Variants in AGBL4 observed in about 807,000 individuals in gnomAD.
AGBL4 encodes cytosolic carboxypeptidase 6.
In AGBL4, 58 loss-of-function variants were observed where a neutral mutation model predicts 66.4. The observed-to-expected ratio is 0.87, with a 90% CI of 0.71 to 1.09. AGBL4 has a LOEUF of 1.09. Among genes scored for constraint, AGBL4 ranks in the 50% least tolerant of loss-of-function variants. The pLI is 0.00. For synonymous variants in AGBL4, 234 were observed against 222.9 expected (o/e 1.05, Z -0.44); for missense variants, 579 against 631.0 (o/e 0.92, Z 0.88).
intron 1 of AGBL4, among the ~76,000 whole-genome samples, chr1:49,871,066 A>C (rs1334264363): frequency 1.3e-5 from 2 of 152,074 alleles, no homozygotes; most frequent in East Asian, 3.9e-4. Context: ...GGCATGTGAA[A>C]TTGCGAGGGC....
intron 3 of AGBL4, among the ~76,000 whole-genome samples, chr1:49,337,447 T>G (rs544817172): frequency 5.5e-4 from 84 of 152,300 alleles, no homozygotes; most frequent in Non-Finnish European, 1.1e-3. Flanking sequence ...ACCATACAAT[T>G]CCTGCTTGGC....
chr1:49,798,765 G>C (rs1644790280), intron 2 of AGBL4, among the ~76,000 whole-genome samples: 1 of 152,014 alleles, frequency 6.6e-6, no homozygotes, highest in South Asian at 2.1e-4. Context: ...AAAAGTCTTT[G>C]CATTAAATGT....
At chr1:49,271,662 T>C (rs1644062092) in intron 3 of AGBL4, among the ~76,000 whole-genome samples, 1 of 152,124 alleles carries the variant, frequency 6.6e-6, no homozygotes, top group African/African-American at 2.4e-5. Context: ...GGTCTGTCTG[T>C]TCACTTTCTT....
At chr1:49,055,970 T>C (rs887305147) in intron 4 of AGBL4, among the ~76,000 whole-genome samples, 3 of 152,158 alleles carry the variant, frequency 2.0e-5, no homozygotes, top group African/African-American at 7.2e-5. Flanking sequence ...GCCAACCTGA[T>C]CGCTCCTCTT....
At chr1:49,777,728 T>C (rs1314687436) in intron 2 of AGBL4, among the ~76,000 whole-genome samples, 2 of 152,180 alleles carry the variant, frequency 1.3e-5, no homozygotes, top group Admixed American at 1.3e-4. Context: ...AAAGCTTTGA[T>C]AAAAATCCTT....
chr1:49,129,158 C>T, intron 4 of AGBL4, among the ~76,000 whole-genome samples: 1 of 152,004 alleles, frequency 6.6e-6, no homozygotes, highest in Non-Finnish European at 1.5e-5. Flanking sequence ...TTGAATACTA[C>T]TACATACCCA....
chr1:49,692,668 A>C (rs1004194517), intron 3 of AGBL4, among the ~76,000 whole-genome samples: 1 of 151,902 alleles, frequency 6.6e-6, no homozygotes, highest in Admixed American at 6.6e-5. Context: ...CAGTGAGCCA[A>C]GATCGCGCCA....
At chr1:49,162,858 A>T (rs1022737860) in intron 4 of AGBL4, among the ~76,000 whole-genome samples, 1 of 152,212 alleles carries the variant, frequency 6.6e-6, no homozygotes, top group Non-Finnish European at 1.5e-5. Flanking sequence ...CACAGCAATT[A>T]ACACATAATA....
At chr1:50,015,277 A>C (rs1279971586) in intron 1 of AGBL4, among the ~76,000 whole-genome samples, 3 of 152,164 alleles carry the variant, frequency 2.0e-5, no homozygotes, top group Non-Finnish European at 4.4e-5. Context: ...TTCTGTGTAC[A>C]ACTCTATGTT....
At chr1:48,931,923 C>G (rs1655071011) in intron 5 of AGBL4, among the ~76,000 whole-genome samples, 1 of 152,126 alleles carries the variant, frequency 6.6e-6, no homozygotes, top group African/African-American at 2.4e-5. Flanking sequence ...TCCTGGCTCC[C>G]ATTCTGGTGC....
intron 3 of AGBL4, among the ~76,000 whole-genome samples, chr1:49,621,141 C>T (rs960295037): frequency 1.3e-5 from 2 of 152,130 alleles, no homozygotes; most frequent in African/African-American, 4.8e-5. Context: ...ATGCTTGTTC[C>T]TTTGTGCCGT....
intron 6 of AGBL4, among the ~76,000 whole-genome samples, chr1:48,785,862 T>C (rs2148723563): frequency 6.6e-6 from 1 of 152,320 alleles, no homozygotes; most frequent in Non-Finnish European, 1.5e-5. Context: ...AGTCTTCTGA[T>C]GATTCCAACA....
intron 2 of AGBL4, among the ~76,000 whole-genome samples, chr1:49,725,268 C>T (rs1039639516): frequency 1.3e-5 from 2 of 152,132 alleles, no homozygotes; most frequent in African/African-American, 4.8e-5. Flanking sequence ...TGGTGGAGCA[C>T]TGTAAGCTTA....
At chr1:48,713,629 C>T (rs558582968) in intron 6 of AGBL4, among the ~76,000 whole-genome samples, 4 of 152,222 alleles carry the variant, frequency 2.6e-5, no homozygotes, top group Middle Eastern at 3.4e-3. Context: ...GTCTGCAGAG[C>T]CTGGATCATG....
At chr1:49,722,162 A>G (rs1290691444) in intron 2 of AGBL4, among the ~76,000 whole-genome samples, 2 of 152,208 alleles carry the variant, frequency 1.3e-5, no homozygotes, top group African/African-American at 4.8e-5. Context: ...AAGCACTTCT[A>G]GTAAATAGCC....
chr1:48,622,820 T>G (rs898992035), intron 9 of AGBL4, among the ~76,000 whole-genome samples: 4 of 152,182 alleles, frequency 2.6e-5, no homozygotes, highest in African/African-American at 9.7e-5. Flanking sequence ...AGTTAAATTT[T>G]TTTGAGAATT....
At chr1:48,648,188 C>A (rs1190500408) in intron 8 of AGBL4, among the ~76,000 whole-genome samples, 1 of 152,108 alleles carries the variant, frequency 6.6e-6, no homozygotes. Flanking sequence ...AAAATTGAAG[C>A]CCTATGCCCA....
At chr1:49,185,904 G>T (rs1270506415) in intron 4 of AGBL4, among the ~76,000 whole-genome samples, 2 of 152,024 alleles carry the variant, frequency 1.3e-5, no homozygotes, top group African/African-American at 4.8e-5. Context: ...GCCAGGCAAT[G>T]CCCAGGTGAC....
intron 3 of AGBL4, among the ~76,000 whole-genome samples, chr1:49,584,652 T>C (rs189458911): frequency 1.6e-4 from 24 of 152,312 alleles, no homozygotes; most frequent in African/African-American, 5.1e-4. Context: ...GAAGACTCTC[T>C]TTAAGAAACC....
Sources: allele counts gnomAD v4.1 joint callset (sites outside exome capture counted in the v4.1 genomes callset), GRCh38; gene constraint gnomAD v4.1.1; transcripts MANE v1.5; gene names NCBI Gene and HGNC (gene_info 2026-07-23, HGNC 2026-07-21).